NLGN4X: variants seen among roughly 807,000 people sequenced by gnomAD.
NLGN4X encodes the protein neuroligin 4 X-linked.
NLGN4X carries 3 observed loss-of-function variants against 40.3 expected under a neutral mutation model. The observed-to-expected ratio is 0.07, with a 90% confidence interval of 0.03 to 0.19. The LOEUF is 0.19. Among genes scored for constraint, NLGN4X ranks in the 10% least tolerant of loss-of-function variants. The pLI, the probability that NLGN4X is intolerant of heterozygous loss-of-function variation, is 1.00. For synonymous variants in NLGN4X, 270 were observed against 306.8 expected (o/e 0.88, Z 1.25); for missense variants, 382 against 708.3 (o/e 0.54, Z 5.23).
chrX:5,900,078 A>G (rs2031757751), intron 5 of NLGN4X, among the ~76,000 whole-genome samples: 1 of 112,472 alleles, frequency 8.9e-6, no homozygotes, highest in Non-Finnish European at 1.9e-5. Flanking sequence ...GACACCGCCT[A>G]TCTCAGTGCT....
intron 3 of NLGN4X, among the ~76,000 whole-genome samples, chrX:6,010,520 T>TTATTATTATTATTATTATTATTATTAC (rs1555947670): frequency 9.8e-6 from 1 of 101,620 alleles, no homozygotes; most frequent in African/African-American, 3.5e-5. Context: ...TATTTTATTA[T>TTATTATTATTATTATTATTATTATTAC]TATTATTATT....
At chrX:6,165,512 TAGC>T (rs1311232335) in intron 1 of NLGN4X, among the ~76,000 whole-genome samples, 1 of 111,892 alleles carries the variant, frequency 8.9e-6, no homozygotes, top group East Asian at 2.8e-4. Context: ...TGTCAGTAAA[TAGC>T]AGTCAATATT....
chrX:5,909,708 C>G (rs764979817), intron 3 of NLGN4X, among the ~76,000 whole-genome samples: 1 of 105,368 alleles, frequency 9.5e-6, no homozygotes, highest in East Asian at 3.0e-4. Flanking sequence ...TGCATGTATA[C>G]AAAGGCAGTG....
At chrX:5,991,340 A>G (rs754061535) in intron 3 of NLGN4X, 21 of 453,293 alleles carry the variant, frequency 4.6e-5, no homozygotes, top group Non-Finnish European at 7.3e-5. Context: ...AGCATAATCA[A>G]TGAAAACATA....
chrX:6,214,506 A>G (rs1470869190), intron 1 of NLGN4X, among the ~76,000 whole-genome samples: 1 of 110,465 alleles, frequency 9.1e-6, no homozygotes, highest in East Asian at 2.9e-4. Context: ...CTTTTGTTTG[A>G]CTCTTAATCT....
chrX:5,893,486 A>G lies in NLGN4X; in HGVS notation c.1782T>C (p.Val594=), dbSNP rs2031315865. ...ATKVAFWLEL[V]PHLHNLNEIF... is the part of the protein sequence containing the mutation. ...TCTCGTTCAAGTTGTGCAAATGAGGAACGAGTTCCAACCAGAAAGCCACTT... is the reference window on the plus strand; with the variant it reads ...TCTCGTTCAAGTTGTGCAAATGAGGGACGAGTTCCAACCAGAAAGCCACTT... The change falls in exon 6 of 6, where the codon GTT becomes GTC. Residue 594 remains valine (V), a synonymous_variant. Transcript: ENST00000381095. The G allele has an allele frequency of 1.7e-6, 2 of 1,182,559 alleles. No homozygotes were observed. The highest frequency in any genetic ancestry group is 3.7e-5 in the African/African-American group (2 of 54,219).
chrX:6,036,610 GCACACA>G (rs55801725), intron 2 of NLGN4X, among the ~76,000 whole-genome samples: 1 of 93,558 alleles, frequency 1.1e-5, no homozygotes, highest in South Asian at 5.6e-4. Context: ...TGTGGCTGGC[GCACACA>G]CACACACACA....
intron 2 of NLGN4X, among the ~76,000 whole-genome samples, chrX:6,113,706 A>T (rs982422280): frequency 3.6e-5 from 4 of 110,690 alleles, no homozygotes; most frequent in African/African-American, 1.3e-4. Context: ...AAAAAAAAAA[A>T]AAATGCACGA....
intron 2 of NLGN4X, among the ~76,000 whole-genome samples, chrX:6,044,281 T>C (rs1406682598): frequency 9.0e-6 from 1 of 111,168 alleles, no homozygotes; most frequent in Non-Finnish European, 1.9e-5. Context: ...CTTGTCAACA[T>C]AAGCATAACT....
intron 3 of NLGN4X, among the ~76,000 whole-genome samples, chrX:5,923,824 C>T (rs1029568152): frequency 9.0e-6 from 1 of 111,412 alleles, no homozygotes; most frequent in Admixed American, 9.6e-5. Flanking sequence ...TGTTGAGTTA[C>T]CCATACCCTG....
rs750508795 is a variant in NLGN4X at position 6,179,099 on chromosome X, AAAGG to A, written c.-305-27332_-305-27329del. Among the ~76,000 whole-genome samples, 320 of 78,199 alleles carry A rather than the reference AAAGG, an allele frequency of 4.1e-3. 6 individuals carry two copies. The highest frequency in any genetic ancestry group is 0.021 in the East Asian group (61 of 2,907). 67.9% of individuals were successfully genotyped at this position (78,199 alleles called of 115,157 possible). On this transcript the variant is annotated intron_variant, in intron 1 of 5. Transcript: ENST00000381095. Reference sequence around the variant, plus strand: ...GAGCGACAAAGCAAGACCCTGAAAAAAAGGAAGGAAGGAAGGAAGGAAGGAAGGA... The same window carrying A: ...GAGCGACAAAGCAAGACCCTGAAAAAAAGGAAGGAAGGAAGGAAGGAAGGA...
chrX:6,077,869 C>T (rs1309242812), intron 2 of NLGN4X, among the ~76,000 whole-genome samples: 2 of 111,601 alleles, frequency 1.8e-5, no homozygotes, highest in Non-Finnish European at 1.9e-5. Flanking sequence ...TGGCAAATGA[C>T]AAGAGATTGT....
intron 2 of NLGN4X, among the ~76,000 whole-genome samples, chrX:6,036,036 T>C (rs1478714462): frequency 2.7e-5 from 3 of 111,866 alleles, no homozygotes; most frequent in Non-Finnish European, 5.6e-5. Flanking sequence ...AATTTTCGAC[T>C]GTGCAGGGGT....
At chrX:6,143,679 T>C (rs1241736163) in intron 2 of NLGN4X, among the ~76,000 whole-genome samples, 1 of 112,056 alleles carries the variant, frequency 8.9e-6, no homozygotes, top group Admixed American at 9.5e-5. Flanking sequence ...ATTAACATGA[T>C]GCAAAATGTC....
intron 1 of NLGN4X, among the ~76,000 whole-genome samples, chrX:6,161,494 A>G (rs1348223973): frequency 1.9e-5 from 2 of 103,208 alleles, no homozygotes; most frequent in Non-Finnish European, 3.9e-5. Context: ...ATTATTCTAT[A>G]TACATAGAAT....
intron 1 of NLGN4X, among the ~76,000 whole-genome samples, chrX:6,173,215 C>T (rs2040646857): frequency 8.9e-6 from 1 of 112,380 alleles, no homozygotes; most frequent in Non-Finnish European, 1.9e-5. Flanking sequence ...GTATTCTAGG[C>T]TCAACTGACC....
At chrX:5,908,780 T>G (rs1218598626) in intron 4 of NLGN4X, among the ~76,000 whole-genome samples, 1 of 111,740 alleles carries the variant, frequency 8.9e-6, no homozygotes, top group Non-Finnish European at 1.9e-5. Context: ...TAGTCCCAGG[T>G]ATTCAGGAGA....
chrX:6,193,633 G>T (rs1389730719), intron 1 of NLGN4X, among the ~76,000 whole-genome samples: 2 of 111,567 alleles, frequency 1.8e-5, no homozygotes, highest in African/African-American at 6.5e-5. Context: ...TTCTTAACTT[G>T]TTCCCTAATA....
At chrX:6,065,875 A>C (rs1330574933) in intron 2 of NLGN4X, among the ~76,000 whole-genome samples, 1 of 112,096 alleles carries the variant, frequency 8.9e-6, no homozygotes, top group Non-Finnish European at 1.9e-5. Flanking sequence ...ATATTTTAAA[A>C]TGTTAAATCA....
Sources: allele counts gnomAD v4.1 joint callset (sites outside exome capture counted in the v4.1 genomes callset), GRCh38; gene constraint gnomAD v4.1.1; transcripts MANE v1.5; gene names NCBI Gene and HGNC (gene_info 2026-07-23, HGNC 2026-07-21).